The following PTPN3 variants were observed in gnomAD, a reference collection of about 807,000 sequenced individuals.
PTPN3 encodes the protein protein tyrosine phosphatase non-receptor type 3, also known as tyrosine-protein phosphatase non-receptor type 3.
PTPN3 carries 96 observed loss-of-function variants against 132.7 expected under a neutral mutation model. The observed-to-expected ratio is 0.72, with a 90% CI of 0.61 to 0.86. The LOEUF (loss-of-function observed/expected upper bound fraction) is 0.86. Among genes scored for constraint, PTPN3 ranks in the 40% least tolerant of loss-of-function variants. PTPN3 has a pLI of 0.00. For missense variants in PTPN3, 1,125 were observed against 1,159.6 expected, an observed-to-expected ratio of 0.97 and a Z score of 0.43; for synonymous variants, 398 against 429.0, an observed-to-expected ratio of 0.93 and a Z score of 0.89.
At chr9:109,519,301 C>A in the PTPN3 span, among the ~76,000 whole-genome samples, 1 of 152,206 alleles carries the variant, frequency 6.6e-6, no homozygotes, top group Non-Finnish European at 1.5e-5. Context: ...CATTATAAAA[C>A]AAGCTTTGTG....
Position 109,496,478 on chromosome 9 carries a change from C to T in PTPN3, c.-18+1741G>A, listed in dbSNP as rs116168970. Among the ~76,000 whole-genome samples, 806 of 152,320 alleles carry T rather than the reference C, an allele frequency of 5.3e-3. 5 individuals carry two copies. The highest frequency in any genetic ancestry group is 0.018 in the African/African-American group (767 of 41,552). ...GACTTGGGTTACACCCCAGCTCTAC[C>T]ACATACTGTGTAATTGGCTGCTCAG... On this transcript the variant is annotated intron_variant, in intron 1 of 25. Coordinates refer to ENST00000374541, the MANE Select transcript of PTPN3 (RefSeq NM_002829.4).
chr9:109,427,563 G>T (rs1843368128), intron 11 of PTPN3, among the ~76,000 whole-genome samples: 1 of 152,188 alleles, frequency 6.6e-6, no homozygotes, highest in African/African-American at 2.4e-5. Context: ...ACAAAGCACA[G>T]AGTTGAATCC....
chr9:109,422,477 G>C (rs78600831), intron 13 of PTPN3, among the ~76,000 whole-genome samples: 1 of 152,192 alleles, frequency 6.6e-6, no homozygotes, highest in South Asian at 2.1e-4. Context: ...CAGCAGGCTC[G>C]AGTTTCCCAA....
chr9:109,480,583 C>A (rs1203155823), intron 1 of PTPN3, among the ~76,000 whole-genome samples: 5 of 152,202 alleles, frequency 3.3e-5, no homozygotes, highest in Non-Finnish European at 7.3e-5. Context: ...TTTTTAGTGT[C>A]ATATCCAAGA....
intron 12 of PTPN3, among the ~76,000 whole-genome samples, chr9:109,425,464 A>G (rs1843182059): frequency 6.6e-6 from 1 of 152,148 alleles, no homozygotes; most frequent in African/African-American, 2.4e-5. Flanking sequence ...TAACCCCAAC[A>G]CTTTGGGAGG....
intron 4 of PTPN3, among the ~76,000 whole-genome samples, chr9:109,455,695 C>T (rs532883937): frequency 1.1e-3 from 169 of 152,326 alleles, no homozygotes; most frequent in Non-Finnish European, 1.9e-3. Flanking sequence ...AACTTTTCAT[C>T]TCTGCGCTGC....
intron 6 of PTPN3, among the ~76,000 whole-genome samples, chr9:109,448,110 T>C (rs185152776): frequency 6.6e-4 from 100 of 152,302 alleles, no homozygotes; most frequent in African/African-American, 2.3e-3. Flanking sequence ...TTGGTTCTAA[T>C]TGTTTCCTAA....
At chr9:109,410,996 CG>C (rs1842036044) in intron 14 of PTPN3, among the ~76,000 whole-genome samples, 1 of 152,182 alleles carries the variant, frequency 6.6e-6, no homozygotes, top group African/African-American at 2.4e-5. Context: ...TCTTCTGTAT[CG>C]TGGAGCTGCA....
At chr9:109,529,746 C>T in the PTPN3 span, among the ~76,000 whole-genome samples, 2 of 152,142 alleles carry the variant, frequency 1.3e-5, no homozygotes, top group Admixed American at 6.5e-5. Context: ...CAACCATCAC[C>T]AATAACCATC....
chr9:109,536,064 T>C, the PTPN3 span, among the ~76,000 whole-genome samples: 1 of 152,224 alleles, frequency 6.6e-6, no homozygotes, highest in Admixed American at 6.5e-5. Context: ...ATCTGCTTTC[T>C]GTCTCTATGG....
intron 1 of PTPN3, among the ~76,000 whole-genome samples, chr9:109,482,610 C>T (rs979811669): frequency 6.6e-5 from 10 of 152,278 alleles, no homozygotes; most frequent in African/African-American, 2.4e-4. Context: ...CTTAAATCTC[C>T]GTCCTCTGAC....
chr9:109,458,159 G>A (rs763915249), intron 2 of PTPN3, among the ~76,000 whole-genome samples: 10 of 152,194 alleles, frequency 6.6e-5, no homozygotes, highest in Non-Finnish European at 1.2e-4. Context: ...GTCGAGGGCT[G>A]TGAAACAGTC....
At chr9:109,443,433 A>T (rs897433305) in intron 7 of PTPN3, among the ~76,000 whole-genome samples, 1 of 151,878 alleles carries the variant, frequency 6.6e-6, no homozygotes, top group Non-Finnish European at 1.5e-5. Context: ...CTGGTCTCAG[A>T]CTCTGGGGTT....
chr9:109,486,414 G>A (rs1206531371), intron 1 of PTPN3, among the ~76,000 whole-genome samples: 1 of 152,180 alleles, frequency 6.6e-6, no homozygotes, highest in African/African-American at 2.4e-5. Context: ...GAGGCAAATG[G>A]GAGAAGCGAG....
In PTPN3 at chr9:109,375,947, T is replaced by G. The variant is rs1838522156; in HGVS notation, c.*3609A>C. The G allele has an allele frequency of 6.6e-6, 1 of 152,194 alleles. No homozygotes were observed. 9.4% of individuals were successfully genotyped at this position (152,194 alleles called of 1,614,324 possible). A position where few individuals can be genotyped will look rare whatever the true frequency, so the allele number is the denominator to read the frequency against. ...TCCCCGGTCTGAGGTCACAGAATCT[T>G]TGCCACCTTTACCGAGACTGCTCTC... On this transcript the variant is annotated 3_prime_UTR_variant, in exon 26 of 26. Transcript: ENST00000374541.
Position 109,382,333 on chromosome 9 carries a change from C to T in PTPN3, c.2497G>A (p.Val833Met). The T allele has an allele frequency of 6.2e-7, 1 of 1,614,108 alleles. No individual in the cohort carries two copies. Residue 833 changes from valine to methionine, a missense_variant, in exon 24 of 26, where the codon GTG becomes ATG. By Grantham distance (21) the Val-to-Met change is conservative. Coordinates refer to ENST00000374541, the MANE Select transcript of PTPN3 (RefSeq NM_002829.4). ...TGAACTAGGACGGGCTCGCTGTCCA[C>T]TCTCAGAGACCTCACATAGTTTACA... ...EFVNYVRSLR[V>M]DSEPVLVHCS... is the part of the protein sequence containing the mutation.
rs1019235413 is a variant in PTPN3, at chr9:109,498,038, G to T, written c.-18+181C>A. On this transcript the variant is annotated intron_variant, in intron 1 of 25. Coordinates refer to ENST00000374541, the MANE Select transcript of PTPN3 (RefSeq NM_002829.4). The surrounding 1 kb of genome is among the most constrained non-coding windows in gnomAD (Gnocchi z 4.2). ...CGGCCCCGCCAGGTGAGCGCAGCGG[G>T]GCGCCCCCTCCCCGCCCCGACGTGG... Among the ~76,000 whole-genome samples the T allele has an allele frequency of 2.3e-3, 328 of 144,622 alleles. 1 individual carries two copies. The highest frequency in any genetic ancestry group is 7.6e-3 in the African/African-American group (304 of 40,078). 94.9% of individuals were successfully genotyped at this position (144,622 alleles called of 152,430 possible).
the PTPN3 span, among the ~76,000 whole-genome samples, chr9:109,515,424 T>C: frequency 6.6e-6 from 1 of 151,530 alleles, no homozygotes; most frequent in Admixed American, 6.6e-5. Flanking sequence ...GCAGGGGGGG[T>C]CTTATACTTC....
At chr9:109,448,902 C>CA (rs35966698) in intron 5 of PTPN3, 47 bp from the exon 6 acceptor site, 284,675 of 1,246,660 alleles carry the variant, frequency 0.23, 3,650 homozygotes, top group Admixed American at 0.3. Context: ...CTGAAATAAG[C>CA]AAAAAAAAAA....
Sources: allele counts gnomAD v4.1 joint callset (sites outside exome capture counted in the v4.1 genomes callset), GRCh38; gene constraint gnomAD v4.1.1; non-coding constraint Gnocchi (gnomAD v3.1); transcripts MANE v1.5; gene names NCBI Gene and HGNC (gene_info 2026-07-23, HGNC 2026-07-21).